ROBO1: variants seen among roughly 807,000 people sequenced by gnomAD.
The protein encoded by ROBO1 is roundabout guidance receptor 1.
A neutral mutation model predicts 195.9 loss-of-function variants in ROBO1; 149 were observed. The ratio of observed to expected loss-of-function variants is 0.76; its 90% CI spans 0.67 to 0.87. The LOEUF is 0.87. ROBO1 is among the 40% of genes least tolerant of loss of function. The pLI is 0.00. For synonymous variants in ROBO1, 816 were observed against 733.2 expected (o/e 1.11, Z -1.82); for missense variants, 1,933 against 2,068.3 (o/e 0.93, Z 1.27).
chr3:79,197,891 T>A (rs2081671802), intron 2 of ROBO1, among the ~76,000 whole-genome samples: 1 of 151,902 alleles, frequency 6.6e-6, no homozygotes, highest in African/African-American at 2.4e-5. Flanking sequence ...GGGTTTTTTT[T>A]TTTTCTTGTA....
chr3:79,606,035 C>CATATATAT (rs111238153), intron 1 of ROBO1, among the ~76,000 whole-genome samples: 4,899 of 146,706 alleles, frequency 0.033, 267 homozygotes, highest in African/African-American at 0.12. Context: ...CATGTACCCA[C>CATATATAT]ATATATATAT....
intron 3 of ROBO1, among the ~76,000 whole-genome samples, chr3:79,113,195 C>T (rs957207202): frequency 6.6e-6 from 1 of 152,118 alleles, no homozygotes; most frequent in African/African-American, 2.4e-5. Flanking sequence ...GAAACACAGG[C>T]TAGTTGATAT....
chr3:79,635,147 C>T (rs1028325433), intron 1 of ROBO1, among the ~76,000 whole-genome samples: 1 of 152,288 alleles, frequency 6.6e-6, no homozygotes, highest in African/African-American at 2.4e-5. Flanking sequence ...CCACATTTTC[C>T]TATCACTACA....
chr3:79,461,136 G>A (rs1182108310), intron 2 of ROBO1, among the ~76,000 whole-genome samples: 1 of 152,046 alleles, frequency 6.6e-6, no homozygotes, highest in East Asian at 1.9e-4. Context: ...CTTTCATCAA[G>A]CTAAGTTGTA....
At chr3:79,344,350 T>A (rs558911040) in intron 2 of ROBO1, among the ~76,000 whole-genome samples, 1 of 152,250 alleles carries the variant, frequency 6.6e-6, no homozygotes, top group East Asian at 1.9e-4. Flanking sequence ...TACAGACAAG[T>A]GATATGCTAA....
chr3:79,544,665 T>C (rs905953056), intron 2 of ROBO1, among the ~76,000 whole-genome samples: 4 of 152,048 alleles, frequency 2.6e-5, no homozygotes, highest in African/African-American at 4.8e-5. Context: ...TATATATATT[T>C]TTCTGATTAA....
chr3:78,608,797 G>A (rs565048470), intron 28 of ROBO1, among the ~76,000 whole-genome samples: 2 of 152,062 alleles, frequency 1.3e-5, no homozygotes, highest in African/African-American at 4.8e-5. Flanking sequence ...TACAGGGGTG[G>A]GGGGAGGAAG....
intron 2 of ROBO1, among the ~76,000 whole-genome samples, chr3:79,467,526 A>T (rs1457703085): frequency 6.6e-6 from 1 of 151,692 alleles, no homozygotes; most frequent in East Asian, 2.0e-4. Context: ...GAAGAGAAGG[A>T]GTGTCTGAAT....
At chr3:79,704,071 T>C (rs1947696800) in intron 1 of ROBO1, among the ~76,000 whole-genome samples, 1 of 151,966 alleles carries the variant, frequency 6.6e-6, no homozygotes, top group African/African-American at 2.4e-5. Flanking sequence ...TTAATTTTTA[T>C]AGAGCAGTTT....
chr3:79,432,439 A>G (rs1008281168), intron 2 of ROBO1, among the ~76,000 whole-genome samples: 1 of 152,204 alleles, frequency 6.6e-6, no homozygotes, highest in Admixed American at 6.6e-5. Context: ...ACCCAAACAA[A>G]GATCAAACTA....
chr3:79,340,564 G>T lies in ROBO1; in HGVS notation c.89-215025C>A, dbSNP rs571108665. Among the ~76,000 whole-genome samples, 29 of 152,086 alleles carry T rather than the reference G, an allele frequency of 1.9e-4. No homozygotes were observed. The South Asian group carries it at 6.0e-3, about 32-fold the overall frequency. Reference sequence around the variant, plus strand: ...TGGACCCCTAATGATGGCTTGTTTTGGTTCTTCTCATCTTAGCAGAGAGAG... The same window carrying T: ...TGGACCCCTAATGATGGCTTGTTTTTGTTCTTCTCATCTTAGCAGAGAGAG... On this transcript the variant is annotated intron_variant, in intron 2 of 30. Coordinates refer to ENST00000464233, the MANE Select transcript of ROBO1 (RefSeq NM_002941.4).
chr3:79,561,357 A>C (rs981243312), intron 2 of ROBO1, among the ~76,000 whole-genome samples: 1 of 152,226 alleles, frequency 6.6e-6, no homozygotes, highest in Admixed American at 6.5e-5. Flanking sequence ...AAAGTAGTCA[A>C]ACCTGAGTCT....
chr3:79,119,686 T>C lies in ROBO1; in HGVS notation c.172+5770A>G, dbSNP rs150423534. 1.6e-3 allele frequency among the ~76,000 whole-genome samples: 240 copies of C among 152,296 alleles called. 8 individuals carry two copies. In the East Asian group the frequency reaches 0.038, roughly 24 times the overall value. The stretch of plus-strand genomic sequence containing the variant: ...AGAAATGTTTATTAATTTCCTGTTA[T>C]GCATAAATTAGTAATCCATAAGGTT... On this transcript the variant is annotated intron_variant, in intron 3 of 30. Coordinates refer to ENST00000464233, the MANE Select transcript of ROBO1 (RefSeq NM_002941.4).
intron 2 of ROBO1, among the ~76,000 whole-genome samples, chr3:79,314,420 G>A (rs1434233635): frequency 6.6e-6 from 1 of 152,098 alleles, no homozygotes; most frequent in East Asian, 1.9e-4. Context: ...GAGATCTGAT[G>A]GTTTCATAAG....
At chr3:79,712,016 C>T (rs62257291) in intron 1 of ROBO1, among the ~76,000 whole-genome samples, 43,901 of 151,322 alleles carry the variant, frequency 0.29, 7,421 homozygotes, top group African/African-American at 0.47. Context: ...TCCACATACC[C>T]AACTGGCCAT....
At chr3:79,587,412 T>C (rs144974726) in intron 2 of ROBO1, among the ~76,000 whole-genome samples, 1 of 151,958 alleles carries the variant, frequency 6.6e-6, no homozygotes, top group East Asian at 1.9e-4. Context: ...CTGAGAAGTC[T>C]TGTTCCTGTA....
At chr3:79,343,983 T>C (rs896827824) in intron 2 of ROBO1, among the ~76,000 whole-genome samples, 7 of 152,196 alleles carry the variant, frequency 4.6e-5, no homozygotes, top group South Asian at 2.1e-4. Context: ...ATCTCAGTAC[T>C]AAAGTCAGAA....
intron 4 of ROBO1, among the ~76,000 whole-genome samples, chr3:78,861,803 T>C (rs190459151): frequency 6.6e-6 from 1 of 152,174 alleles, no homozygotes; most frequent in African/African-American, 2.4e-5. Context: ...TAGAAATATA[T>C]AGATTTTATT....
intron 2 of ROBO1, among the ~76,000 whole-genome samples, chr3:79,311,505 C>T (rs1364949408): frequency 1.3e-5 from 2 of 152,058 alleles, no homozygotes; most frequent in South Asian, 2.1e-4. Context: ...TTTTACAAAG[C>T]TATTTTCTCC....
Sources: allele counts gnomAD v4.1 joint callset (sites outside exome capture counted in the v4.1 genomes callset), GRCh38; gene constraint gnomAD v4.1.1; transcripts MANE v1.5; gene names NCBI Gene and HGNC (gene_info 2026-07-23, HGNC 2026-07-21).